HCN1: variants seen among roughly 807,000 people sequenced by gnomAD.
HCN1 encodes the protein potassium/sodium hyperpolarization-activated cyclic nucleotide-gated channel 1.
Under a neutral mutation model 78.9 loss-of-function variants are expected in HCN1, and 13 were observed. The observed-to-expected ratio is 0.16, with a 90% CI of 0.11 to 0.26. The LOEUF (loss-of-function observed/expected upper bound fraction) is 0.26. Among genes scored for constraint, HCN1 ranks in the 10% least tolerant of loss-of-function variants. HCN1 has a pLI of 1.00. For synonymous variants in HCN1, 552 were observed against 455.5 expected (o/e 1.21, Z -2.70); for missense variants, 810 against 1,154.3 (o/e 0.70, Z 4.32).
At chr5:45,658,804 C>G (rs142850029) in intron 1 of HCN1, among the ~76,000 whole-genome samples, 10,777 of 151,788 alleles carry the variant, frequency 0.071, 561 homozygotes, top group Middle Eastern at 0.15. Context: ...GAGGGTCCTA[C>G]GCCCACGGAA....
At position 45,535,141 on chromosome 5, in the gene HCN1, G is replaced by A. The variant is rs990764582; in HGVS notation, c.850-73134C>T. ...GCAAATCATAGGATCTTTAAATAAA[G>A]TAAAAAAATAAATCAGTGCTATTTA... On this transcript the variant is annotated intron_variant, in intron 2 of 7. Coordinates refer to ENST00000303230, the MANE Select transcript of HCN1 (RefSeq NM_021072.4). Among the ~76,000 whole-genome samples, 3 of 152,042 alleles carry A rather than the reference G, an allele frequency of 2.0e-5. No individual in the cohort carries two copies. In the East Asian group the frequency reaches 5.8e-4, roughly 29 times the overall value.
chr5:45,568,834 T>C (rs1452049592), intron 2 of HCN1, among the ~76,000 whole-genome samples: 5 of 152,112 alleles, frequency 3.3e-5, no homozygotes, highest in Non-Finnish European at 7.4e-5. Context: ...ATATGGTATC[T>C]TGGCAAACTA....
At chr5:45,444,577 T>C (rs1029683727) in intron 3 of HCN1, among the ~76,000 whole-genome samples, 1 of 152,090 alleles carries the variant, frequency 6.6e-6, no homozygotes, top group African/African-American at 2.4e-5. Context: ...CTTGTCCTTA[T>C]CCTTGTTTTT....
rs1302732737 is a variant in HCN1 at position 45,256,020 on chromosome 5, T to C, written c.*5901A>G. 2.6e-5 allele frequency: 4 copies of C among 152,304 alleles called. No individual in the cohort carries two copies. Among genetic ancestry groups the C allele is most frequent in the South Asian group, 2.1e-4 (1 of 4,828 alleles). 9.4% of individuals were successfully genotyped at this position (152,304 alleles called of 1,614,324 possible). ...TACTAATTTATTCAGATTTCTTCAA[T>C]TGAATGAATCAATAGTATTCTCTGC... On this transcript the variant is annotated 3_prime_UTR_variant, in exon 8 of 8. Transcript: ENST00000303230.
At chr5:45,659,512 C>T (rs1435333147) in intron 1 of HCN1, among the ~76,000 whole-genome samples, 1 of 122,580 alleles carries the variant, frequency 8.2e-6, no homozygotes. Flanking sequence ...CTCTGAGCTA[C>T]GGGAGGACAT....
rs1052368999 is a variant in HCN1, at chr5:45,657,796, A to G, written c.426-12188T>C. Among the ~76,000 whole-genome samples, 13 of 152,334 alleles carry G rather than the reference A, an allele frequency of 8.5e-5. No individual in the cohort carries two copies. The South Asian group carries it at 1.9e-3, about 22-fold the overall frequency. ...CTCATGGGTAGGAAGAATCAATATCATGAAAATGGCCATACTGCCCAAGGT... is the reference window on the plus strand; with the variant it reads ...CTCATGGGTAGGAAGAATCAATATCGTGAAAATGGCCATACTGCCCAAGGT... On this transcript the variant is annotated intron_variant, in intron 1 of 7. Coordinates refer to ENST00000303230, the MANE Select transcript of HCN1 (RefSeq NM_021072.4).
chr5:45,261,784 C>T lies in HCN1; in HGVS notation c.*137G>A. The T allele has an allele frequency of 1.9e-6, 2 of 1,041,162 alleles. No individual in the cohort carries two copies. The highest frequency in any genetic ancestry group is 2.9e-6 in the Non-Finnish European group (2 of 680,198). 64.5% of individuals were successfully genotyped at this position (1,041,162 alleles called of 1,614,324 possible). On this transcript the variant is annotated 3_prime_UTR_variant, in exon 8 of 8. Coordinates refer to ENST00000303230, the MANE Select transcript of HCN1 (RefSeq NM_021072.4). ...TATATGTATATATATTTTTACATTTCACGTGTAGGCCACAGCTGTCTAAAA... is the reference window on the plus strand; with the variant it reads ...TATATGTATATATATTTTTACATTTTACGTGTAGGCCACAGCTGTCTAAAA...
intron 2 of HCN1, among the ~76,000 whole-genome samples, chr5:45,549,723 G>T (rs1440313246): frequency 6.6e-6 from 1 of 152,088 alleles, no homozygotes; most frequent in African/African-American, 2.4e-5. Context: ...CTACAGAATG[G>T]GAGAAAATTT....
chr5:45,382,208 CAT>C (rs1250265578), intron 4 of HCN1, among the ~76,000 whole-genome samples: 1 of 152,178 alleles, frequency 6.6e-6, no homozygotes, highest in African/African-American at 2.4e-5. Flanking sequence ...CTTCCCTCCA[CAT>C]GTTATTCCCT....
intron 3 of HCN1, among the ~76,000 whole-genome samples, chr5:45,414,105 C>T (rs1050817452): frequency 1.3e-4 from 20 of 151,904 alleles, no homozygotes; most frequent in Admixed American, 1.1e-3. Flanking sequence ...ATGGCCAATT[C>T]GCCAATATTA....
At chr5:45,522,856 T>A (rs540195931) in intron 2 of HCN1, among the ~76,000 whole-genome samples, 31 of 152,082 alleles carry the variant, frequency 2.0e-4, no homozygotes, top group African/African-American at 7.0e-4. Flanking sequence ...TTTTCCTTTT[T>A]TAAATTTTAT....
chr5:45,684,587 A>G (rs1739766815), intron 1 of HCN1, among the ~76,000 whole-genome samples: 1 of 152,210 alleles, frequency 6.6e-6, no homozygotes, highest in South Asian at 2.1e-4. Flanking sequence ...TAGGCCAGGC[A>G]CGGTGGCTCA....
chr5:45,273,606 T>G (rs1429757546), intron 6 of HCN1, among the ~76,000 whole-genome samples: 1 of 152,126 alleles, frequency 6.6e-6, no homozygotes, highest in Non-Finnish European at 1.5e-5. Flanking sequence ...AACCTGAGCT[T>G]CTAGAATTTT....
rs1744604183 is a variant in HCN1 at position 45,256,014 on chromosome 5, C to A, written c.*5907G>T. On this transcript the variant is annotated 3_prime_UTR_variant, in exon 8 of 8. Coordinates refer to ENST00000303230, the MANE Select transcript of HCN1 (RefSeq NM_021072.4). ...TATATTTACTAATTTATTCAGATTT[C>A]TTCAATTGAATGAATCAATAGTATT... 1.3e-5 allele frequency: 2 copies of A among 152,180 alleles called. No individual in the cohort carries two copies. Among genetic ancestry groups the A allele is most frequent in the African/African-American group, 4.8e-5 (2 of 41,530 alleles). The allele number at this position is 152,180 out of a possible 1,614,324, so 9.4% of individuals were successfully genotyped here. A position where few individuals can be genotyped will look rare whatever the true frequency, so the allele number is the denominator to read the frequency against.
intron 5 of HCN1, among the ~76,000 whole-genome samples, chr5:45,314,008 T>C (rs781280187): frequency 6.6e-6 from 1 of 151,890 alleles, no homozygotes; most frequent in Non-Finnish European, 1.5e-5. Context: ...ATTCAGGAAA[T>C]ACAGAGAATG....
At chr5:45,554,106 T>C (rs1743425535) in intron 2 of HCN1, among the ~76,000 whole-genome samples, 1 of 151,932 alleles carries the variant, frequency 6.6e-6, no homozygotes, top group African/African-American at 2.4e-5. Context: ...TCACTGATAG[T>C]TCATTGCAGA....
At chr5:45,593,210 G>A (rs904330463) in intron 2 of HCN1, among the ~76,000 whole-genome samples, 6 of 85,978 alleles carry the variant, frequency 7.0e-5, no homozygotes, top group Admixed American at 5.4e-4. Context: ...ATGCACGCAC[G>A]CGCACACACA....
At chr5:45,414,709 TAC>T (rs1451415998) in intron 3 of HCN1, among the ~76,000 whole-genome samples, 1 of 152,008 alleles carries the variant, frequency 6.6e-6, no homozygotes, top group Non-Finnish European at 1.5e-5. Flanking sequence ...CAATCAAACA[TAC>T]ACAAATGACA....
At chr5:45,293,648 C>T (rs1293467031) in intron 6 of HCN1, among the ~76,000 whole-genome samples, 2 of 151,968 alleles carry the variant, frequency 1.3e-5, no homozygotes, top group African/African-American at 4.8e-5. Flanking sequence ...AAGAGAAAGA[C>T]ATTTTGACTT....
Sources: gnomAD v4.1 joint callset for allele counts (sites outside exome capture counted in the v4.1 genomes callset) on GRCh38, gnomAD v4.1.1 for gene constraint, MANE v1.5 for transcripts, NCBI Gene and HGNC (gene_info 2026-07-23, HGNC 2026-07-21) for gene names.